The following STRN3 variants were observed in gnomAD, a reference collection of about 807,000 sequenced individuals.
The protein encoded by STRN3 is striatin-3.
STRN3 carries 29 observed loss-of-function variants against 95.6 expected under a neutral mutation model. The observed-to-expected ratio is 0.30, with a 90% CI of 0.23 to 0.41. STRN3 has a LOEUF of 0.41. STRN3 is among the 10% of genes least tolerant of loss of function. The pLI, the probability that STRN3 is intolerant of heterozygous loss-of-function variation, is 1.00. For synonymous variants in STRN3, 331 were observed against 357.6 expected (o/e 0.93, Z 0.84); for missense variants, 890 against 972.1 (o/e 0.92, Z 1.12).
At chr14:30,971,526 G>A (rs1880826073) in intron 1 of STRN3, among the ~76,000 whole-genome samples, 1 of 152,208 alleles carries the variant, frequency 6.6e-6, no homozygotes, top group African/African-American at 2.4e-5. Flanking sequence ...TAGAGATGCT[G>A]TTAAAGGAAT....
chr14:30,993,963 C>G lies in STRN3; in HGVS notation c.282+31941G>C, dbSNP rs561152621. ...CACAATCTCGGCTCACGGCAAGCTCCACCTCTCGGGATCAAGCGATTCTCC... is the reference window on the plus strand; with the variant it reads ...CACAATCTCGGCTCACGGCAAGCTCGACCTCTCGGGATCAAGCGATTCTCC... On this transcript the variant is annotated intron_variant, in intron 1 of 17. Transcript: ENST00000357479. Among the ~76,000 whole-genome samples, 414 of 151,932 alleles carry G rather than the reference C, an allele frequency of 2.7e-3. 5 individuals are homozygous for G. Among genetic ancestry groups the G allele is most frequent in the African/African-American group, 9.5e-3 (392 of 41,394 alleles).
intron 9 of STRN3, among the ~76,000 whole-genome samples, chr14:30,918,002 AG>A (rs1896783406): frequency 6.6e-6 from 1 of 152,188 alleles, no homozygotes; most frequent in African/African-American, 2.4e-5. Context: ...ACATGATTCA[AG>A]TATACCCATA....
intron 1 of STRN3, among the ~76,000 whole-genome samples, chr14:30,983,809 T>A (rs921166805): frequency 2.0e-5 from 3 of 152,202 alleles, no homozygotes; most frequent in African/African-American, 7.2e-5. Context: ...TTATTAAACC[T>A]AGAATGTAAA....
Position 30,895,099 on chromosome 14 carries a change from A to AAAAACTT in STRN3, c.*311_*312insAAGTTTT, listed in dbSNP as rs1378372036. 1 of 285,722 alleles carries AAAAACTT rather than the reference A, an allele frequency of 3.5e-6. No homozygotes were observed. Among genetic ancestry groups the AAAAACTT allele is most frequent in the Non-Finnish European group, 5.9e-6 (1 of 168,998 alleles). The allele number at this position is 285,722 out of a possible 1,614,324, so 17.7% of individuals were successfully genotyped here. On this transcript the variant is annotated 3_prime_UTR_variant, in exon 18 of 18. Coordinates refer to ENST00000357479, the MANE Select transcript of STRN3 (RefSeq NM_001083893.2). The stretch of plus-strand genomic sequence containing the variant: ...AAAAAAGAAGAAGAAGAAGAGAAAA[A>AAAAACTT]AAAAAACTTTTTTGAAAGATCAGAC...
chr14:30,980,394 C>CTT (rs1179395478), intron 1 of STRN3, among the ~76,000 whole-genome samples: 1 of 152,094 alleles, frequency 6.6e-6, no homozygotes, highest in Non-Finnish European at 1.5e-5. Context: ...TGCAATGTTT[C>CTT]TTTGTTTCTT....
chr14:30,951,803 G>A (rs1879653358), intron 3 of STRN3, among the ~76,000 whole-genome samples: 1 of 151,958 alleles, frequency 6.6e-6, no homozygotes, highest in Non-Finnish European at 1.5e-5. Context: ...ATAACAAAGT[G>A]TACACATTAA....
intron 1 of STRN3, among the ~76,000 whole-genome samples, chr14:30,998,119 T>C (rs906724309): frequency 5.3e-5 from 8 of 152,170 alleles, no homozygotes; most frequent in African/African-American, 1.9e-4. Context: ...CAGAACAGCG[T>C]TGGAGCCCCT....
chr14:31,024,214 T>G (rs1883661426), intron 1 of STRN3, among the ~76,000 whole-genome samples: 1 of 152,170 alleles, frequency 6.6e-6, no homozygotes, highest in Non-Finnish European at 1.5e-5. Context: ...AAATCCAAAC[T>G]TGCATACAAC....
At chr14:30,987,658 T>C (rs1192487612) in intron 1 of STRN3, among the ~76,000 whole-genome samples, 1 of 152,118 alleles carries the variant, frequency 6.6e-6, no homozygotes, top group Admixed American at 6.6e-5. Context: ...AAATAATCAA[T>C]ATTTGCATTC....
At chr14:30,966,173 C>G (rs896833417) in intron 1 of STRN3, among the ~76,000 whole-genome samples, 1 of 152,154 alleles carries the variant, frequency 6.6e-6, no homozygotes, top group Non-Finnish European at 1.5e-5. Context: ...TTAGCCTGTG[C>G]GTCTAACCCT....
At chr14:30,911,849 G>C (rs370146462) in intron 11 of STRN3, 25 bp from the exon 12 acceptor site, 2 of 1,593,578 alleles carry the variant, frequency 1.3e-6, no homozygotes, top group African/African-American at 2.7e-5. Flanking sequence ...AAAAGGGTAG[G>C]GGAAGAGAAG....
chr14:30,912,268 T>G (rs556318414), intron 10 of STRN3, 86 bp from the exon 11 acceptor site: 1 of 1,280,304 alleles, frequency 7.8e-7, no homozygotes, highest in African/African-American at 1.5e-5. Context: ...TTTGGTGTGT[T>G]TAACACATAT....
At chr14:30,924,320 C>T (rs1289737749) in intron 8 of STRN3, among the ~76,000 whole-genome samples, 2 of 63,324 alleles carry the variant, frequency 3.2e-5, no homozygotes, top group African/African-American at 1.4e-4. Flanking sequence ...GATGGTCTCC[C>T]TCTGTCGCCC....
At chr14:30,942,278 T>G (rs1007295954) in intron 5 of STRN3, among the ~76,000 whole-genome samples, 1 of 152,186 alleles carries the variant, frequency 6.6e-6, no homozygotes, top group African/African-American at 2.4e-5. Context: ...TAGCAAAATT[T>G]CTGAAAGGCA....
chr14:31,010,650 T>C (rs1282649472), intron 1 of STRN3, among the ~76,000 whole-genome samples: 3 of 152,120 alleles, frequency 2.0e-5, no homozygotes, highest in East Asian at 1.9e-4. Flanking sequence ...CCATAAGCAT[T>C]GCATAGTCAT....
chr14:31,025,785 C>T, intron 1 of STRN3, 119 bp downstream of exon 1: 1 of 1,387,050 alleles, frequency 7.2e-7, no homozygotes, highest in Non-Finnish European at 9.7e-7. Flanking sequence ...CTGAGCAGCA[C>T]AGGTAGGTTC....
chr14:30,955,793 T>C, intron 2 of STRN3, 100 bp from the exon 3 acceptor site: 1 of 985,360 alleles, frequency 1.0e-6, no homozygotes, highest in Non-Finnish European at 1.4e-6. Flanking sequence ...AATGTCTGCT[T>C]CTTTAAACTT....
intron 14 of STRN3, 81 bp downstream of exon 14, chr14:30,906,796 A>C: frequency 7.4e-7 from 1 of 1,353,494 alleles, no homozygotes; most frequent in Non-Finnish European, 1.0e-6. Context: ...ACAGTAAAGA[A>C]ATACATCAAT....
intron 7 of STRN3, among the ~76,000 whole-genome samples, chr14:30,930,811 G>C (rs1878493385): frequency 6.6e-6 from 1 of 151,738 alleles, no homozygotes; most frequent in Non-Finnish European, 1.5e-5. Flanking sequence ...AAGAAAAACG[G>C]GATCTCAACA....
Sources: gnomAD v4.1 joint callset for allele counts (sites outside exome capture counted in the v4.1 genomes callset) on GRCh38, gnomAD v4.1.1 for gene constraint, MANE v1.5 for transcripts, NCBI Gene and HGNC (gene_info 2026-07-23, HGNC 2026-07-21) for gene names.